Variants in EIPR1 observed in about 807,000 individuals in gnomAD.
The protein encoded by EIPR1 is EARP and GARP complex-interacting protein 1.
In EIPR1, 25 loss-of-function variants were observed where a neutral mutation model predicts 48.1. That is an observed-to-expected ratio of 0.52 (90% CI 0.38 to 0.73). EIPR1 has a LOEUF of 0.73. Among genes scored for constraint, EIPR1 ranks in the 30% least tolerant of loss-of-function variants. The probability of loss-of-function intolerance (pLI) is 0.00; values close to 1 mark genes in which losing one functional copy is unlikely to be tolerated. For synonymous variants in EIPR1, 204 were observed against 201.9 expected, an observed-to-expected ratio of 1.01 and a Z score of -0.09; for missense variants, 415 against 506.2, an observed-to-expected ratio of 0.82 and a Z score of 1.73.
chr2:3,354,471 G>T, intron 2 of EIPR1, 79 bp downstream of exon 2: 1 of 1,345,742 alleles, frequency 7.4e-7, no homozygotes, highest in Non-Finnish European at 1.0e-6. Context: ...AAATGTTGCT[G>T]GAAAATCAGA....
At chr2:3,365,554 T>C (rs1266770810) in intron 1 of EIPR1, among the ~76,000 whole-genome samples, 6 of 148,524 alleles carry the variant, frequency 4.0e-5, no homozygotes, top group African/African-American at 7.5e-5. Flanking sequence ...GGCAGGGTCA[T>C]AGGACAATAG....
chr2:3,330,765 G>A (rs569519677), intron 3 of EIPR1, among the ~76,000 whole-genome samples: 20 of 150,472 alleles, frequency 1.3e-4, no homozygotes, highest in African/African-American at 3.6e-4. Context: ...GAGATGGTGT[G>A]AGCAGAGGCA....
intron 1 of EIPR1, among the ~76,000 whole-genome samples, chr2:3,374,952 T>G (rs1255562762): frequency 8.0e-5 from 11 of 137,568 alleles, no homozygotes; most frequent in African/African-American, 2.7e-4. Context: ...GCGGCACTAT[T>G]CACAATAGCA....
intron 3 of EIPR1, among the ~76,000 whole-genome samples, chr2:3,328,932 T>C (rs11884279): frequency 0.3 from 10,494 of 34,442 alleles, 1,746 homozygotes; most frequent in East Asian, 0.69. Flanking sequence ...AGAGCCCACC[T>C]ACCACGCTCT....
chr2:3,281,428 G>A (rs1668008119), intron 3 of EIPR1, among the ~76,000 whole-genome samples: 1 of 152,016 alleles, frequency 6.6e-6, no homozygotes, highest in Non-Finnish European at 1.5e-5. Context: ...AGGCGCCTGG[G>A]AATACTTACA....
intron 5 of EIPR1, among the ~76,000 whole-genome samples, chr2:3,200,147 G>C (rs751846809): frequency 7.2e-5 from 11 of 152,088 alleles, no homozygotes; most frequent in Non-Finnish European, 1.2e-4. Context: ...TTGGACAGGG[G>C]CACCAGCAGG....
intron 3 of EIPR1, among the ~76,000 whole-genome samples, chr2:3,328,547 T>C (rs1669773514): frequency 1.4e-5 from 2 of 140,248 alleles, no homozygotes; most frequent in Admixed American, 1.4e-4. Flanking sequence ...GCTCTAATGA[T>C]CTCAGGGTGC....
At chr2:3,298,921 G>A (rs776727043) in intron 3 of EIPR1, among the ~76,000 whole-genome samples, 1 of 152,066 alleles carries the variant, frequency 6.6e-6, no homozygotes, top group African/African-American at 2.4e-5. Context: ...CGTCTGACTC[G>A]GTGTTAACTT....
intron 3 of EIPR1, among the ~76,000 whole-genome samples, chr2:3,316,382 T>C (rs1414547486): frequency 6.6e-6 from 1 of 152,202 alleles, no homozygotes; most frequent in African/African-American, 2.4e-5. Context: ...AAAGCCACTG[T>C]GGCACACCAG....
At chr2:3,288,229 C>T (rs1004038863) in intron 3 of EIPR1, among the ~76,000 whole-genome samples, 2 of 152,344 alleles carry the variant, frequency 1.3e-5, no homozygotes, top group Middle Eastern at 3.4e-3. Context: ...GTGCTATTTC[C>T]AAGCCCTGCC....
intron 1 of EIPR1, among the ~76,000 whole-genome samples, chr2:3,354,940 G>C (rs1670685170): frequency 6.6e-6 from 1 of 152,160 alleles, no homozygotes; most frequent in African/African-American, 2.4e-5. Flanking sequence ...TATTTCAACA[G>C]TAAAAGACTG....
At chr2:3,332,320 A>G (rs1194541279) in intron 3 of EIPR1, among the ~76,000 whole-genome samples, 1 of 152,254 alleles carries the variant, frequency 6.6e-6, no homozygotes, top group Non-Finnish European at 1.5e-5. Context: ...AGTGCACACA[A>G]ATTGGGGAGG....
At chr2:3,269,370 A>G (rs112377823) in intron 3 of EIPR1, among the ~76,000 whole-genome samples, 1,547 of 25,240 alleles carry the variant, frequency 0.061, 136 homozygotes, top group South Asian at 0.12. Flanking sequence ...ATCGCACTCA[A>G]TCATCGCACT....
intron 1 of EIPR1, among the ~76,000 whole-genome samples, chr2:3,358,006 T>C (rs1017472001): frequency 2.0e-5 from 3 of 152,160 alleles, no homozygotes; most frequent in African/African-American, 7.2e-5. Context: ...GCCACTACGT[T>C]TATGGGAATT....
intron 4 of EIPR1, among the ~76,000 whole-genome samples, chr2:3,227,493 T>A (rs1376251081): frequency 6.6e-6 from 1 of 152,192 alleles, no homozygotes; most frequent in Admixed American, 6.5e-5. Flanking sequence ...AAGCAGAGCA[T>A]AAAAGTTTGG....
At chr2:3,234,807 T>C (rs2103173193) in intron 4 of EIPR1, among the ~76,000 whole-genome samples, 1 of 152,360 alleles carries the variant, frequency 6.6e-6, no homozygotes, top group Non-Finnish European at 1.5e-5. Flanking sequence ...AGACCTGCTC[T>C]CTTGAGTGTC....
At chr2:3,209,298 C>T in intron 5 of EIPR1, among the ~76,000 whole-genome samples, 1 of 152,178 alleles carries the variant, frequency 6.6e-6, no homozygotes, top group East Asian at 1.9e-4. Context: ...CCCAGAAGAG[C>T]CCACTGAAAG....
At chr2:3,230,716 C>T (rs1359932095) in intron 4 of EIPR1, among the ~76,000 whole-genome samples, 2 of 152,108 alleles carry the variant, frequency 1.3e-5, no homozygotes, top group African/African-American at 4.8e-5. Flanking sequence ...GTCTATATGT[C>T]AATTTGTAAT....
At chr2:3,198,525 C>G (rs556802644) in intron 5 of EIPR1, among the ~76,000 whole-genome samples, 7 of 152,244 alleles carry the variant, frequency 4.6e-5, no homozygotes, top group Non-Finnish European at 1.0e-4. Context: ...CCTTGCAGAG[C>G]CTTGTTATCG....
Sources: allele counts gnomAD v4.1 joint callset (sites outside exome capture counted in the v4.1 genomes callset), GRCh38; gene constraint gnomAD v4.1.1; transcripts MANE v1.5; gene names NCBI Gene and HGNC (gene_info 2026-07-23, HGNC 2026-07-21).